TET2: variants seen among roughly 807,000 people sequenced by gnomAD.
TET2 encodes the protein methylcytosine dioxygenase TET2.
A neutral mutation model predicts 142.9 loss-of-function variants in TET2; 299 were observed. The ratio of observed to expected loss-of-function variants is 2.09; its 90% CI spans 1.90 to 2.30. The LOEUF (loss-of-function observed/expected upper bound fraction) is 2.30. Ranked by LOEUF, TET2 falls within the 30% of genes most tolerant of loss-of-function variation. The pLI, the probability that TET2 is intolerant of heterozygous loss-of-function variation, is 0.00. For missense variants in TET2, 2,418 were observed against 2,378.0 expected (o/e 1.02, Z -0.35); for synonymous variants, 819 against 849.0 (o/e 0.96, Z 0.61).
At chr4:105,227,612 T>G (rs2110610706) in intron 2 of TET2, among the ~76,000 whole-genome samples, 1 of 152,054 alleles carries the variant, frequency 6.6e-6, no homozygotes, top group African/African-American at 2.4e-5. Context: ...ATGTTTAATT[T>G]CAACTAAAAA....
chr4:105,207,430 A>T (rs1486150977), intron 2 of TET2, among the ~76,000 whole-genome samples: 1 of 152,192 alleles, frequency 6.6e-6, no homozygotes, highest in Non-Finnish European at 1.5e-5. Flanking sequence ...AACAGATTTT[A>T]AACAAGAGTT....
intron 7 of TET2, among the ~76,000 whole-genome samples, chr4:105,260,387 T>A (rs1207067606): frequency 1.3e-5 from 2 of 152,088 alleles, no homozygotes; most frequent in Non-Finnish European, 2.9e-5. Flanking sequence ...TCTTGACTTA[T>A]GAGGAGACTA....
chr4:105,242,387 T>A (rs1317568557), intron 4 of TET2: 1 of 1,082,530 alleles, frequency 9.2e-7, no homozygotes, highest in Non-Finnish European at 1.1e-6. Context: ...GGATACTAAC[T>A]ATTTGCCAGC....
chr4:105,265,525 A>G (rs745824373), intron 8 of TET2, among the ~76,000 whole-genome samples: 2 of 152,240 alleles, frequency 1.3e-5, no homozygotes, highest in Non-Finnish European at 2.9e-5. Context: ...ACTAGACCAC[A>G]GCATGAACTG....
chr4:105,279,500 A>G lies in TET2; in HGVS notation c.*2981A>G, dbSNP rs1459367994. Reference sequence around the variant, plus strand: ...TCAACTTTACTTGAATGAATTTTTCATCTTGATTGACGCACAGTGATGTAC... The same window carrying G: ...TCAACTTTACTTGAATGAATTTTTCGTCTTGATTGACGCACAGTGATGTAC... On this transcript the variant is annotated 3_prime_UTR_variant, in exon 11 of 11. Coordinates refer to ENST00000380013, the MANE Select transcript of TET2 (RefSeq NM_001127208.3). The G allele has an allele frequency of 4.3e-6, 1 of 232,628 alleles. No individual in the cohort carries two copies. The highest frequency in any genetic ancestry group is 2.2e-5 in the African/African-American group (1 of 45,316). The allele number at this position is 232,628 out of a possible 1,614,324, so 14.4% of individuals were successfully genotyped here. A position where few individuals can be genotyped will look rare whatever the true frequency, so the allele number is the denominator to read the frequency against.
chr4:105,233,993 C>T lies in TET2; in HGVS notation c.51C>T (p.Phe17=), dbSNP rs1204300917. The part of the protein sequence containing the change: ...NHVEGNRLSP[F]LIPSPPICQT... Reference sequence around the variant, plus strand: ...TTGAGGGCAACAGACTAAGTCCATTCCTGATACCATCACCTCCCATTTGCC... The same window carrying T: ...TTGAGGGCAACAGACTAAGTCCATTTCTGATACCATCACCTCCCATTTGCC... Residue 17 remains phenylalanine (F), a synonymous_variant, in exon 3 of 11, where the codon TTC becomes TTT. Coordinates refer to ENST00000380013, the MANE Select transcript of TET2 (RefSeq NM_001127208.3). 1.2e-6 allele frequency: 2 copies of T among 1,613,978 alleles called. No homozygotes were observed. The highest frequency in any genetic ancestry group is 1.3e-5 in the African/African-American group (1 of 74,920).
intron 2 of TET2, among the ~76,000 whole-genome samples, chr4:105,191,712 A>G (rs1259325881): frequency 6.6e-6 from 1 of 152,080 alleles, no homozygotes. Context: ...AATCCTTTCC[A>G]GTGTGTCCTC....
Position 105,234,208 on chromosome 4 carries a change from T to C in TET2, c.266T>C (p.Leu89Ser). 7 of 1,614,140 alleles carry C rather than the reference T, an allele frequency of 4.3e-6. No individual in the cohort carries two copies. Among genetic ancestry groups the C allele is most frequent in the Non-Finnish European group, 5.9e-6 (7 of 1,180,022 alleles). The part of the protein sequence containing the change: ...TQESRGYSKC[L>S]QNGGIKRTVS... The stretch of plus-strand genomic sequence containing the variant: ...GAAAGTAGAGGGTATTCCAAGTGTT[T>C]GCAAAATGGAGGAATAAAACGCACA... Residue 89 changes from leucine (L) to serine (S), a missense_variant, in exon 3 of 11, where the codon TTG becomes TCG. Coordinates refer to ENST00000380013, the MANE Select transcript of TET2 (RefSeq NM_001127208.3).
At chr4:105,153,668 C>G (rs1437685725) in intron 1 of TET2, among the ~76,000 whole-genome samples, 1 of 152,160 alleles carries the variant, frequency 6.6e-6, no homozygotes, top group Non-Finnish European at 1.5e-5. Flanking sequence ...TTCATACAGC[C>G]TATACATGGC....
chr4:105,148,016 CTG>C (rs1328672282), intron 1 of TET2, among the ~76,000 whole-genome samples: 8 of 152,132 alleles, frequency 5.3e-5, no homozygotes, highest in Non-Finnish European at 8.8e-5. Context: ...GCCTTTCTCT[CTG>C]TGTCTCCTCT....
intron 1 of TET2, among the ~76,000 whole-genome samples, chr4:105,169,489 G>A (rs917909916): frequency 6.6e-5 from 10 of 151,930 alleles, no homozygotes; most frequent in Non-Finnish European, 7.4e-5. Flanking sequence ...GTCCTTTGCC[G>A]GATGCATAGA....
intron 1 of TET2, among the ~76,000 whole-genome samples, chr4:105,161,123 A>G (rs1447544628): frequency 1.3e-5 from 2 of 152,192 alleles, no homozygotes; most frequent in Non-Finnish European, 2.9e-5. Context: ...TATCTGACCG[A>G]ATCTATTATT....
Position 105,196,281 on chromosome 4 carries a change from A to G in TET2, c.-47+5776A>G, listed in dbSNP as rs150996706. Among the ~76,000 whole-genome samples the G allele has an allele frequency of 5.1e-3, 770 of 151,680 alleles. 6 individuals carry two copies. The highest frequency in any genetic ancestry group is 0.018 in the African/African-American group (732 of 41,308). ...TTTCTTTTATGGATACCCATTTCAG[A>G]CTTTATTAAAGGAGTGGAAGCTTCC... On this transcript the variant is annotated intron_variant, in intron 2 of 10. Coordinates refer to ENST00000380013, the MANE Select transcript of TET2 (RefSeq NM_001127208.3).
intron 1 of TET2, among the ~76,000 whole-genome samples, chr4:105,178,735 T>TA (rs35340054): frequency 2.0e-5 from 3 of 152,218 alleles, no homozygotes; most frequent in Admixed American, 6.5e-5. Context: ...TTATTAATGT[T>TA]AAAAAATTTA....
Position 105,236,756 on chromosome 4 carries a change from T to G in TET2, c.2814T>G (p.Thr938=). The change falls in exon 3 of 11, where the codon ACT becomes ACG. Residue 938 remains threonine (T), a synonymous_variant. Transcript: ENST00000380013. ...FPVPDQGGSH[T]QTPPQKDTQK... is the part of the protein sequence containing the mutation. ...TGCCTGACCAGGGAGGAAGTCACAC[T>G]CAGACCCCTCCCCAGAAGGACACTC... 1 of 1,614,054 alleles carries G rather than the reference T, an allele frequency of 6.2e-7. No individual in the cohort carries two copies.
chr4:105,262,165 G>T (rs1392770803), intron 8 of TET2, among the ~76,000 whole-genome samples: 1 of 152,028 alleles, frequency 6.6e-6, no homozygotes, highest in Non-Finnish European at 1.5e-5. Context: ...TGTGGCCCAA[G>T]CTATAGGTTC....
At chr4:105,258,438 TCTTTA>T (rs1490153618) in intron 6 of TET2, among the ~76,000 whole-genome samples, 3 of 152,192 alleles carry the variant, frequency 2.0e-5, no homozygotes, top group Non-Finnish European at 2.9e-5. Flanking sequence ...ATGGCAAGAA[TCTTTA>T]CTTCTCAAAT....
At chr4:105,263,724 G>A (rs1426249186) in intron 8 of TET2, among the ~76,000 whole-genome samples, 1 of 152,096 alleles carries the variant, frequency 6.6e-6, no homozygotes, top group Non-Finnish European at 1.5e-5. Flanking sequence ...AATGAAAGGA[G>A]GTTTTCAAAG....
At chr4:105,166,688 T>TC (rs1391020299) in intron 1 of TET2, among the ~76,000 whole-genome samples, 1 of 152,116 alleles carries the variant, frequency 6.6e-6, no homozygotes, top group East Asian at 1.9e-4. Flanking sequence ...CTTATATTTT[T>TC]CCTTATAGTA....
Sources: allele counts gnomAD v4.1 joint callset (sites outside exome capture counted in the v4.1 genomes callset), GRCh38; gene constraint gnomAD v4.1.1; transcripts MANE v1.5; gene names NCBI Gene and HGNC (gene_info 2026-07-23, HGNC 2026-07-21).